COL15A1: variants seen among roughly 807,000 people sequenced by gnomAD.
COL15A1 encodes the protein collagen alpha-1(XV) chain.
Under a neutral mutation model 165.9 loss-of-function variants are expected in COL15A1, and 111 were observed. The ratio of observed to expected loss-of-function variants is 0.67; its 90% CI spans 0.57 to 0.78. COL15A1 has a LOEUF of 0.78. Among genes scored for constraint, COL15A1 ranks in the 30% least tolerant of loss-of-function variants. The pLI, the probability that COL15A1 is intolerant of heterozygous loss-of-function variation, is 0.00. For synonymous variants in COL15A1, 659 were observed against 674.8 expected, an observed-to-expected ratio of 0.98 and a Z score of 0.36; for missense variants, 1,745 against 1,789.7, an observed-to-expected ratio of 0.98 and a Z score of 0.45.
rs1588544562 is a variant in COL15A1, at chr9:99,070,730, T to C, written c.*844T>C. ...AAACATATATCTACATGTTGTATAA[T>C]TGGATTTTTTTTCCATGTAAGTGAA... On this transcript the variant is annotated 3_prime_UTR_variant, in exon 42 of 42. Coordinates refer to ENST00000375001, the MANE Select transcript of COL15A1 (RefSeq NM_001855.5). The C allele has an allele frequency of 2.7e-6, 1 of 371,772 alleles. No individual in the cohort carries two copies. The highest frequency in any genetic ancestry group is 9.9e-5 in the East Asian group (1 of 10,110). 23.0% of individuals were successfully genotyped at this position (371,772 alleles called of 1,614,324 possible).
chr9:98,981,094 C>G (rs1220816704), intron 2 of COL15A1, among the ~76,000 whole-genome samples: 2 of 152,128 alleles, frequency 1.3e-5, no homozygotes, highest in Admixed American at 6.5e-5. Context: ...GAAACCTCAC[C>G]TTCCACCAAC....
Position 98,976,567 on chromosome 9 carries a change from A to G in COL15A1, c.101-8998A>G, listed in dbSNP as rs117764152. ...GTGGACTTTCAGGTGATGGATGGGCATGCAGTGAGGTCACTGTTGGATGTC... is the reference window on the plus strand; with the variant it reads ...GTGGACTTTCAGGTGATGGATGGGCGTGCAGTGAGGTCACTGTTGGATGTC... On this transcript the variant is annotated intron_variant, in intron 2 of 41. Coordinates refer to ENST00000375001, the MANE Select transcript of COL15A1 (RefSeq NM_001855.5). Among the ~76,000 whole-genome samples, 229 of 152,314 alleles carry G rather than the reference A, an allele frequency of 1.5e-3. 7 individuals carry two copies. The East Asian group carries it at 0.042, about 28-fold the overall frequency.
chr9:99,067,613 A>G (rs1378673170), intron 40 of COL15A1, among the ~76,000 whole-genome samples: 2 of 152,200 alleles, frequency 1.3e-5, no homozygotes, highest in African/African-American at 4.8e-5. Flanking sequence ...TGCCACTCAC[A>G]TACACCGTGG....
chr9:98,949,143 C>A (rs931173063), intron 2 of COL15A1, among the ~76,000 whole-genome samples: 1 of 152,210 alleles, frequency 6.6e-6, no homozygotes, highest in African/African-American at 2.4e-5. Context: ...TTTTTAAATG[C>A]AGAATCTATT....
chr9:99,059,388 C>A lies in COL15A1; in HGVS notation c.3338-501C>A, dbSNP rs575640730. ...TCGAGATCACACAGCTAGGAATGGA[C>A]AAACTTAAGGACTTGAGTCCATGTC... On this transcript the variant is annotated intron_variant, in intron 35 of 41. Coordinates refer to ENST00000375001, the MANE Select transcript of COL15A1 (RefSeq NM_001855.5). Among the ~76,000 whole-genome samples the A allele has an allele frequency of 4.0e-5, 6 of 148,528 alleles. No homozygotes were observed. The South Asian group carries it at 1.1e-3, about 27-fold the overall frequency.
chr9:98,995,401 G>A (rs978110699), intron 5 of COL15A1, among the ~76,000 whole-genome samples: 2 of 152,096 alleles, frequency 1.3e-5, no homozygotes, highest in Admixed American at 6.5e-5. Flanking sequence ...TGCCACCAGC[G>A]AGGACTCTCT....
intron 13 of COL15A1, among the ~76,000 whole-genome samples, chr9:99,022,608 G>A (rs898656528): frequency 2.0e-5 from 3 of 151,998 alleles, no homozygotes; most frequent in East Asian, 1.9e-4. Context: ...TGGTCTCTCC[G>A]CCTCCATGTC....
intron 2 of COL15A1, among the ~76,000 whole-genome samples, chr9:98,978,639 TTTTC>T (rs1372521184): frequency 1.3e-5 from 2 of 152,194 alleles, no homozygotes; most frequent in Non-Finnish European, 2.9e-5. Flanking sequence ...TTCCTTCTTT[TTTTC>T]TTTCTTTCTG....
At chr9:99,051,876 G>A (rs184661939) in intron 30 of COL15A1, among the ~76,000 whole-genome samples, 9 of 152,298 alleles carry the variant, frequency 5.9e-5, no homozygotes, top group Non-Finnish European at 7.3e-5. Context: ...TTAATGAGGT[G>A]TCCAGAATAG....
rs753461461 is a variant in COL15A1, at chr9:99,035,042, G to A, written c.2108G>A (p.Gly703Glu). 14 of 1,613,144 alleles carry A rather than the reference G, an allele frequency of 8.7e-6. 1 individual carries two copies. In the South Asian group the frequency reaches 1.4e-4, roughly 16 times the overall value. The change falls in exon 18 of 42, where the codon GGA becomes GAA. Residue 703 changes from glycine (G) to glutamate (E), a missense_variant. Transcript: ENST00000375001. The part of the protein sequence containing the change: ...KGDPGNRGLP[G>E]PPGKKGQAGP... ...GACCCTGGCAACAGAGGCTTACCTGGACCCCCGGGGAAAAAGGGACAAGCT... is the reference window on the plus strand; with the variant it reads ...GACCCTGGCAACAGAGGCTTACCTGAACCCCCGGGGAAAAAGGGACAAGCT...
chr9:98,948,038 G>T (rs1317205441), intron 2 of COL15A1, among the ~76,000 whole-genome samples: 1 of 152,028 alleles, frequency 6.6e-6, no homozygotes, highest in Non-Finnish European at 1.5e-5. Flanking sequence ...TAAAATGTTG[G>T]GAAACAAAAC....
chr9:98,969,947 A>C (rs941523380), intron 2 of COL15A1, among the ~76,000 whole-genome samples: 24 of 152,210 alleles, frequency 1.6e-4, no homozygotes, highest in African/African-American at 5.8e-4. Flanking sequence ...TATAATTAGC[A>C]TCAACTGGGA....
chr9:99,007,398 A>C (rs777466964), intron 9 of COL15A1, among the ~76,000 whole-genome samples: 1 of 152,136 alleles, frequency 6.6e-6, no homozygotes. Flanking sequence ...CCTGAGATTT[A>C]TTTTCCTTTC....
chr9:99,005,302 G>C (rs1194377024), intron 9 of COL15A1, among the ~76,000 whole-genome samples: 1 of 152,132 alleles, frequency 6.6e-6, no homozygotes, highest in Non-Finnish European at 1.5e-5. Flanking sequence ...CTGCATGCAG[G>C]ACCCTGCTGC....
At position 98,990,406 on chromosome 9, in the gene COL15A1, G is replaced by A. The variant is rs112980490; in HGVS notation, c.804+1148G>A. On this transcript the variant is annotated intron_variant, in intron 5 of 41. Coordinates refer to ENST00000375001, the MANE Select transcript of COL15A1 (RefSeq NM_001855.5). ...CCAGTTGGGATGAATGAAGTCAAGG[G>A]TCCAAGTTGCCTGCCTACCTGGTGA... Among the ~76,000 whole-genome samples the A allele has an allele frequency of 2.1e-4, 32 of 152,338 alleles. 1 individual carries two copies. The highest frequency in any genetic ancestry group is 7.2e-4 in the African/African-American group (30 of 41,576).
chr9:99,045,716 G>T (rs1329910870), intron 26 of COL15A1, among the ~76,000 whole-genome samples: 1 of 152,212 alleles, frequency 6.6e-6, no homozygotes, highest in Admixed American at 6.5e-5. Flanking sequence ...CTTGTAAGTG[G>T]CAGAGTGGGG....
chr9:98,944,226 G>A lies in COL15A1; in HGVS notation c.76G>A (p.Val26Ile), dbSNP rs1482092084. The A allele has an allele frequency of 2.5e-6, 4 of 1,614,008 alleles. No homozygotes were observed. Among genetic ancestry groups the A allele is most frequent in the Admixed American group, 1.7e-5 (1 of 60,028 alleles). Residue 26 changes from valine (V) to isoleucine (I), a missense_variant, in exon 2 of 42, where the codon GTC (valine) becomes ATC (isoleucine). By Grantham distance (29) the Val-to-Ile change is conservative. Transcript: ENST00000375001. Reference sequence around the variant, plus strand: ...CTCGGTCTCCACGCCCCTCCCTGCTGTCACCCAGACCCGCGGTGCGACAGG... The same window carrying A: ...CTCGGTCTCCACGCCCCTCCCTGCTATCACCCAGACCCGCGGTGCGACAGG... ...LLSVSTPLPA[V>I]TQTRGATETA...
chr9:99,054,883 T>C (rs532690773), intron 32 of COL15A1, among the ~76,000 whole-genome samples: 5 of 152,146 alleles, frequency 3.3e-5, no homozygotes, highest in African/African-American at 9.7e-5. Flanking sequence ...TGCAAAACAA[T>C]GTCCAAAGAA....
intron 16 of COL15A1, among the ~76,000 whole-genome samples, chr9:99,026,279 G>A (rs1420555699): frequency 6.6e-6 from 1 of 152,116 alleles, no homozygotes; most frequent in Non-Finnish European, 1.5e-5. Context: ...TGATTGGTCA[G>A]TGCCAAGATG....
Sources: gnomAD v4.1 joint callset for allele counts (sites outside exome capture counted in the v4.1 genomes callset) on GRCh38, gnomAD v4.1.1 for gene constraint, MANE v1.5 for transcripts, NCBI Gene and HGNC (gene_info 2026-07-23, HGNC 2026-07-21) for gene names.